Variants in PECR observed in about 807,000 individuals in gnomAD.
PECR encodes 2,4-dienoyl-CoA reductase-related protein.
In PECR, 30 loss-of-function variants were observed where a neutral mutation model predicts 35.3. That is an observed-to-expected ratio of 0.85 (90% confidence interval 0.64 to 1.15). The LOEUF (loss-of-function observed/expected upper bound fraction) is 1.15, where lower values mean the gene tolerates loss of function less well. Ranked by LOEUF, PECR falls within the 50% of genes most tolerant of loss-of-function variation. The pLI, the probability that PECR is intolerant of heterozygous loss-of-function variation, is 0.00. For synonymous variants in PECR, 148 were observed against 138.9 expected (o/e 1.07, Z -0.46); for missense variants, 392 against 370.8 (o/e 1.06, Z -0.47).
intron 1 of PECR, among the ~76,000 whole-genome samples, chr2:216,079,968 C>T (rs1227875606): frequency 1.4e-5 from 2 of 138,854 alleles, no homozygotes; most frequent in African/African-American, 5.3e-5. Context: ...GCAACAAGAG[C>T]GAAACTCCAT....
At chr2:216,069,963 G>T (rs1056082584) in intron 1 of PECR, among the ~76,000 whole-genome samples, 3 of 149,926 alleles carry the variant, frequency 2.0e-5, no homozygotes, top group Non-Finnish European at 4.4e-5. Flanking sequence ...GAAACTTTTG[G>T]AAATATTTCA....
intron 5 of PECR, among the ~76,000 whole-genome samples, chr2:216,050,176 C>T (rs781272477): frequency 5.3e-5 from 8 of 152,090 alleles, no homozygotes; most frequent in Non-Finnish European, 1.2e-4. Context: ...GAGCCGTGAT[C>T]GCACTACCGC....
Position 216,049,291 on chromosome 2 carries a change from G to A in PECR, c.686C>T (p.Pro229Leu), listed in dbSNP as rs768469697. ...CTCAGGAACACCAATTCGTTTAGCG[G>A]GGATTTTCTGAAAAGACCCTTCAAA... ...SFFEGSFQKI[P>L]AKRIGVPEEV... The change falls in exon 6 of 8, where the codon CCC becomes CTC. Residue 229 changes from proline (P) to leucine (L), a missense_variant. Coordinates refer to ENST00000265322, the MANE Select transcript of PECR (RefSeq NM_018441.6). 1 of 1,585,552 alleles carries A rather than the reference G, an allele frequency of 6.3e-7. No individual in the cohort carries two copies.
chr2:216,073,963 G>GTTAGGTTTCTGTCAC (rs1559219253), intron 1 of PECR, among the ~76,000 whole-genome samples: 3 of 152,152 alleles, frequency 2.0e-5, no homozygotes, highest in African/African-American at 7.2e-5. Context: ...CCAACACTCA[G>GTTAGGTTTCTGTCAC]TTAGGTTTCT....
At chr2:216,030,653 G>GC (rs1313161224) in intron 7 of PECR, among the ~76,000 whole-genome samples, 1 of 151,222 alleles carries the variant, frequency 6.6e-6, no homozygotes, top group African/African-American at 2.4e-5. Context: ...AGCGATTCTT[G>GC]TGCCTCAGCC....
chr2:216,065,755 C>T (rs1695452710), intron 2 of PECR, among the ~76,000 whole-genome samples: 1 of 152,192 alleles, frequency 6.6e-6, no homozygotes, highest in Admixed American at 6.5e-5. Context: ...TAGGGCAGGC[C>T]TCTGTCATAT....
At chr2:216,041,354 T>G (rs1199384937) in intron 7 of PECR, among the ~76,000 whole-genome samples, 1 of 152,106 alleles carries the variant, frequency 6.6e-6, no homozygotes, top group Non-Finnish European at 1.5e-5. Flanking sequence ...CTACTTGGAA[T>G]TTTTTTCAGA....
At chr2:216,051,629 C>G in intron 4 of PECR, 84 bp from the exon 5 acceptor site, 1 of 862,332 alleles carries the variant, frequency 1.2e-6, no homozygotes, top group East Asian at 2.4e-5. Flanking sequence ...GTGCCAACTA[C>G]CTGACAGAAT....
intron 4 of PECR, among the ~76,000 whole-genome samples, chr2:216,058,248 A>G (rs968648354): frequency 2.0e-5 from 3 of 152,164 alleles, no homozygotes; most frequent in Non-Finnish European, 4.4e-5. Context: ...CTGGTCTGGA[A>G]GCCACTTTTG....
chr2:216,065,404 T>C lies in PECR; in HGVS notation c.332A>G (p.Gln111Arg), dbSNP rs1695444724. The part of the protein sequence containing the change: ...INFLVNNGGG[Q>R]FLSPAEHISS... Reference sequence around the variant, plus strand: ...GATGTGTTCAGCAGGGGAAAGAAACTGGCCTCCTCCATTGTTCACCAAGAA... The same window carrying C: ...GATGTGTTCAGCAGGGGAAAGAAACCGGCCTCCTCCATTGTTCACCAAGAA... The change falls in exon 3 of 8, where the codon CAG (glutamine) becomes CGG (arginine). Residue 111 changes from glutamine to arginine, a missense_variant. Coordinates refer to ENST00000265322, the MANE Select transcript of PECR (RefSeq NM_018441.6). 5 of 1,608,154 alleles carry C rather than the reference T, an allele frequency of 3.1e-6. No individual in the cohort carries two copies. Among genetic ancestry groups the C allele is most frequent in the Non-Finnish European group, 4.3e-6 (5 of 1,174,492 alleles).
rs1276575792 is a variant in PECR at position 216,043,961 on chromosome 2, G to C, written c.769C>G (p.Gln257Glu). Residue 257 changes from glutamine (Q) to glutamate (E), a missense_variant, in exon 7 of 8, where the codon CAG becomes GAG. Gln to Glu is a conservative substitution (Grantham distance 29). Transcript: ENST00000265322. ...CGGCCCCCATCCACATCCACCGACT[G>C]TCCAGTGATGAAGGAAGCTGCAGGA... ...LSPAASFITG[Q>E]SVDVDGGRSL... The C allele has an allele frequency of 6.2e-7, 1 of 1,612,896 alleles. No homozygotes were observed. Among genetic ancestry groups the C allele is most frequent in the East Asian group, 2.2e-5 (1 of 44,874 alleles).
intron 3 of PECR, among the ~76,000 whole-genome samples, chr2:216,061,129 C>CAA (rs151215904): frequency 2.9e-4 from 15 of 52,388 alleles, no homozygotes; most frequent in Non-Finnish European, 3.7e-4. Context: ...CCGGCTCTAC[C>CAA]AAAAAAAAAA....
At chr2:216,056,178 A>G (rs1239142537) in intron 4 of PECR, among the ~76,000 whole-genome samples, 1 of 152,094 alleles carries the variant, frequency 6.6e-6, no homozygotes, top group African/African-American at 2.4e-5. Flanking sequence ...TATCTTGCAC[A>G]TGTACCTGTA....
chr2:216,060,144 T>C (rs539198377), intron 3 of PECR, among the ~76,000 whole-genome samples: 15 of 152,356 alleles, frequency 9.8e-5, no homozygotes, highest in African/African-American at 3.4e-4. Context: ...ATTATTTATA[T>C]ATGCTTGAAA....
intron 7 of PECR, among the ~76,000 whole-genome samples, chr2:216,029,642 T>C (rs1342295863): frequency 1.9e-4 from 29 of 152,192 alleles, no homozygotes; most frequent in Admixed American, 1.8e-3. Context: ...AATACAAGGA[T>C]GCTAAGTCAT....
rs1219074422 is a variant in PECR at position 216,030,956 on chromosome 2, TCACACA to T, written c.*440+8229_*440+8234del. ...CTCTCTCTCTCTCTCTCTCTCTCTC[TCACACA>T]CACACACACACACACACACACACAC... On this transcript the variant is annotated intron_variant and NMD_transcript_variant, in intron 7 of 7. Transcript: ENST00000442122. 1.0e-3 allele frequency among the ~76,000 whole-genome samples: 114 copies of T among 113,388 alleles called. 1 individual carries two copies. The highest frequency in any genetic ancestry group is 3.9e-3 in the African/African-American group (103 of 26,272). The allele number at this position is 113,388 out of a possible 152,430, so 74.4% of individuals were successfully genotyped here. A position where few individuals can be genotyped will look rare whatever the true frequency, so the allele number is the denominator to read the frequency against.
intron 3 of PECR, among the ~76,000 whole-genome samples, chr2:216,063,523 C>T (rs867693707): frequency 6.6e-5 from 10 of 151,716 alleles, no homozygotes; most frequent in South Asian, 2.1e-4. Context: ...GAGGCTGAGG[C>T]AGGAAAATTG....
At chr2:216,051,875 T>G (rs1216834013) in intron 4 of PECR, among the ~76,000 whole-genome samples, 1 of 152,154 alleles carries the variant, frequency 6.6e-6, no homozygotes, top group East Asian at 1.9e-4. Context: ...CCTGTGGTTA[T>G]TTTTAACATC....
chr2:216,049,209 A>G, intron 6 of PECR, 54 bp downstream of exon 6: 2 of 902,658 alleles, frequency 2.2e-6, no homozygotes. Flanking sequence ...CTGAATTACA[A>G]ATTCCAAAGT....
Sources: allele counts gnomAD v4.1 joint callset (sites outside exome capture counted in the v4.1 genomes callset), GRCh38; gene constraint gnomAD v4.1.1; transcripts MANE v1.5; gene names NCBI Gene and HGNC (gene_info 2026-07-23, HGNC 2026-07-21).